Variants in CAV2 observed in about 807,000 individuals in gnomAD.
CAV2 encodes the protein caveolin 2.
In CAV2, 7 loss-of-function variants were observed where a neutral mutation model predicts 15.5. The observed-to-expected ratio is 0.45, with a 90% CI of 0.26 to 0.85. The LOEUF (loss-of-function observed/expected upper bound fraction) is 0.85. Among genes scored for constraint, CAV2 ranks in the 40% least tolerant of loss-of-function variants. CAV2 has a pLI of 0.18. For synonymous variants in CAV2, 76 were observed against 83.1 expected (o/e 0.91, Z 0.46); for missense variants, 229 against 208.8 (o/e 1.10, Z -0.60).
rs117722738 is a variant in CAV2 at position 116,506,073 on chromosome 7, C to T, written c.441C>T (p.Ser147=). The T allele has an allele frequency of 1.8e-3, 2,827 of 1,613,866 alleles. 79 individuals are homozygous for T. The East Asian group carries it at 0.052, about 30-fold the overall frequency. The change falls in exon 3 of 3, where the codon AGC becomes AGT. Residue 147 remains serine (S), a synonymous_variant. Coordinates refer to ENST00000222693, the MANE Select transcript of CAV2 (RefSeq NM_001233.5). ...TDVIIAPLCT[S]VGRCFSSVSL... is the part of the protein sequence containing the mutation. ...TTATCATTGCTCCATTGTGTACGAG[C>T]GTAGGACGATGCTTCTCTTCTGTCA...
rs983685246 is a variant in CAV2, at chr7:116,507,698, A to C, written c.*1577A>C. The C allele has an allele frequency of 5.1e-5, 7 of 136,996 alleles. No homozygotes were observed. The highest frequency in any genetic ancestry group is 1.8e-4 in the African/African-American group (7 of 37,962). 8.5% of individuals were successfully genotyped at this position (136,996 alleles called of 1,614,324 possible). A position where few individuals can be genotyped will look rare whatever the true frequency, so the allele number is the denominator to read the frequency against. ...AAAAAAAAAAGAAAAAAAGAAAAAA[A>C]GAAAAAAGAAAAATCTCATTATTTC... On this transcript the variant is annotated 3_prime_UTR_variant, in exon 3 of 3. Coordinates refer to ENST00000222693, the MANE Select transcript of CAV2 (RefSeq NM_001233.5).
intron 1 of CAV2, 77 bp downstream of exon 1, chr7:116,500,008 C>A: frequency 6.5e-7 from 1 of 1,545,936 alleles, no homozygotes; most frequent in South Asian, 1.2e-5. Flanking sequence ...CGCCCTAACC[C>A]GTCCCACCAT....
chr7:116,501,236 T>A (rs909808805), intron 2 of CAV2: 8 of 152,242 alleles, frequency 5.3e-5, no homozygotes. Flanking sequence ...TCTTTTAAAT[T>A]TTTTATGGAA....
intron 2 of CAV2, among the ~76,000 whole-genome samples, chr7:116,505,190 A>T (rs928969432): frequency 6.6e-6 from 1 of 152,250 alleles, no homozygotes; most frequent in East Asian, 1.9e-4. Context: ...AAGAAGACTG[A>T]GGCAGCAGGA....
intron 2 of CAV2, among the ~76,000 whole-genome samples, chr7:116,505,641 A>T (rs1793215334): frequency 6.6e-6 from 1 of 152,074 alleles, no homozygotes. Flanking sequence ...AGACTCTTTT[A>T]GTTAATCAGA....
Position 116,508,430 on chromosome 7 carries a change from C to G in CAV2, c.*2309C>G, listed in dbSNP as rs1393566915. On this transcript the variant is annotated 3_prime_UTR_variant, in exon 3 of 3. Coordinates refer to ENST00000222693, the MANE Select transcript of CAV2 (RefSeq NM_001233.5). ...TTTTTTCAAAGACTCAAATTTTGTA[C>G]CAAGTAAATCCAGGCTTTATGTACA... The G allele has an allele frequency of 6.6e-6, 1 of 151,908 alleles. No homozygotes were observed. Among genetic ancestry groups the G allele is most frequent in the Non-Finnish European group, 1.5e-5 (1 of 67,984 alleles). 9.4% of individuals were successfully genotyped at this position (151,908 alleles called of 1,614,324 possible). A position where few individuals can be genotyped will look rare whatever the true frequency, so the allele number is the denominator to read the frequency against.
At chr7:116,500,054 C>T in intron 1 of CAV2, 123 bp downstream of exon 1, 1 of 1,478,464 alleles carries the variant, frequency 6.8e-7, no homozygotes, top group Non-Finnish European at 8.9e-7. Flanking sequence ...CTGAGACCCG[C>T]ACCCTTCCCC....
chr7:116,499,950 G>C lies in CAV2; in HGVS notation c.150+19G>C. 6.2e-7 allele frequency: 1 copy of C among 1,607,782 alleles called. No individual in the cohort carries two copies. Among genetic ancestry groups the C allele is most frequent in the Non-Finnish European group, 8.5e-7 (1 of 1,177,794 alleles). ...TCTCAAGGTGAAGCCCGGGGCGGGC[G>C]GGCCCAAGTCCCCGCTGAGGCCGGG... On this transcript the variant is annotated intron_variant, in intron 1 of 2. Transcript: ENST00000222693.
In CAV2 at chr7:116,499,866, G is replaced by A; in HGVS notation, c.85G>A (p.Asp29Asn). 2 of 1,609,736 alleles carry A rather than the reference G, an allele frequency of 1.2e-6. No individual in the cohort carries two copies. Among genetic ancestry groups the A allele is most frequent in the Non-Finnish European group, 1.7e-6 (2 of 1,178,746 alleles). The change falls in exon 1 of 3, where the codon GAC (aspartate) becomes AAC (asparagine). Residue 29 changes from aspartate (D) to asparagine (N), a missense_variant. Asp to Asn is a conservative substitution (Grantham distance 23). Coordinates refer to ENST00000222693, the MANE Select transcript of CAV2 (RefSeq NM_001233.5). ...CCACCACAGCGGCCTCGAGTACGCC[G>A]ACCCCGAGAAGTTCGCGGACTCGGA... Reference protein sequence around the residue: ...YSHHSGLEYADPEKFADSDQD... With the variant: ...YSHHSGLEYANPEKFADSDQD...
Position 116,506,096 on chromosome 7 carries a change from T to G in CAV2, c.464T>G (p.Val155Gly), listed in dbSNP as rs1347273520. The G allele has an allele frequency of 6.2e-7, 1 of 1,614,144 alleles. No homozygotes were observed. Among genetic ancestry groups the G allele is most frequent in the Non-Finnish European group, 8.5e-7 (1 of 1,180,004 alleles). The change falls in exon 3 of 3, where the codon GTC (valine) becomes GGC (glycine). Residue 155 changes from valine (V) to glycine (G), a missense_variant. Val to Gly is a moderately radical substitution (Grantham distance 109). Coordinates refer to ENST00000222693, the MANE Select transcript of CAV2 (RefSeq NM_001233.5). ...CTSVGRCFSS[V>G]SLQLSQD ...AGCGTAGGACGATGCTTCTCTTCTG[T>G]CAGCCTGCAACTGAGCCAGGATTGA...
At chr7:116,500,658 T>C (rs1395536546) in intron 2 of CAV2, 3 of 564,400 alleles carry the variant, frequency 5.3e-6, no homozygotes, top group African/African-American at 1.9e-5. Context: ...GGAGAAAGAA[T>C]GTCGGTCTTT....
In CAV2 at chr7:116,508,449, A is replaced by T. The variant is rs1793295221; in HGVS notation, c.*2328A>T. On this transcript the variant is annotated 3_prime_UTR_variant, in exon 3 of 3. Coordinates refer to ENST00000222693, the MANE Select transcript of CAV2 (RefSeq NM_001233.5). ...TTTGTACCAAGTAAATCCAGGCTTT[A>T]TGTACAAACATGTTGTTTGTTTTAT... is the stretch of plus-strand genomic sequence containing the variant. The T allele has an allele frequency of 6.6e-6, 1 of 152,086 alleles. No homozygotes were observed. Among genetic ancestry groups the T allele is most frequent in the African/African-American group, 2.4e-5 (1 of 41,428 alleles). 9.4% of individuals were successfully genotyped at this position (152,086 alleles called of 1,614,324 possible).
intron 2 of CAV2, among the ~76,000 whole-genome samples, chr7:116,501,515 T>G (rs992289927): frequency 6.6e-6 from 1 of 152,248 alleles, no homozygotes; most frequent in Non-Finnish European, 1.5e-5. Context: ...TTAATTTATT[T>G]AGTCAGTTAG....
At chr7:116,500,051 C>A (rs1209059413) in intron 1 of CAV2, 120 bp downstream of exon 1, 1 of 1,481,400 alleles carries the variant, frequency 6.8e-7, no homozygotes, top group Non-Finnish European at 8.9e-7. Flanking sequence ...GGTCTGAGAC[C>A]CGCACCCTTC....
intron 2 of CAV2, among the ~76,000 whole-genome samples, chr7:116,504,513 T>C (rs565598774): frequency 1.3e-5 from 2 of 152,350 alleles, no homozygotes; most frequent in East Asian, 3.9e-4. Context: ...TTCTATATTC[T>C]AAAAATATAT....
chr7:116,504,662 A>T lies in CAV2; in HGVS notation c.339-1309A>T, dbSNP rs954867513. Among the ~76,000 whole-genome samples, 7 of 152,216 alleles carry T rather than the reference A, an allele frequency of 4.6e-5. No homozygotes were observed. The East Asian group carries it at 1.3e-3, about 29-fold the overall frequency. On this transcript the variant is annotated intron_variant, in intron 2 of 2. Transcript: ENST00000222693. ...CCACCCAGGTAATAATAAAGCTTCC[A>T]TTGAGGCTACCAGCAGTGCCTGAAA...
chr7:116,506,095 G>C lies in CAV2; in HGVS notation c.463G>C (p.Val155Leu), dbSNP rs912757864. ...GAGCGTAGGACGATGCTTCTCTTCT[G>C]TCAGCCTGCAACTGAGCCAGGATTG... ...CTSVGRCFSS[V>L]SLQLSQD The change falls in exon 3 of 3, where the codon GTC becomes CTC. Residue 155 changes from valine to leucine, a missense_variant. Physicochemically the swap from Val to Leu is conservative, Grantham distance 32 (BLOSUM62 1). Coordinates refer to ENST00000222693, the MANE Select transcript of CAV2 (RefSeq NM_001233.5). 1.2e-6 allele frequency: 2 copies of C among 1,614,134 alleles called. No individual in the cohort carries two copies. The highest frequency in any genetic ancestry group is 1.7e-6 in the Non-Finnish European group (2 of 1,180,006).
intron 2 of CAV2, among the ~76,000 whole-genome samples, chr7:116,504,186 C>G (rs776590177): frequency 6.6e-6 from 1 of 150,920 alleles, no homozygotes; most frequent in Non-Finnish European, 1.5e-5. Context: ...ATTCTGCCTT[C>G]AAAATAGGTC....
chr7:116,502,983 A>C (rs1793138464), intron 2 of CAV2, among the ~76,000 whole-genome samples: 1 of 152,138 alleles, frequency 6.6e-6, no homozygotes, highest in Admixed American at 6.5e-5. Context: ...TGCCCAACTG[A>C]TGGAAATGCG....
Sources: allele counts gnomAD v4.1 joint callset (sites outside exome capture counted in the v4.1 genomes callset), GRCh38; gene constraint gnomAD v4.1.1; transcripts MANE v1.5; gene names NCBI Gene and HGNC (gene_info 2026-07-23, HGNC 2026-07-21).